Variants in PANK4 observed in about 807,000 individuals in gnomAD.
The protein encoded by PANK4 is 4'-phosphopantetheine phosphatase.
In PANK4, 40 loss-of-function variants were observed where a neutral mutation model predicts 87.9. The ratio of observed to expected loss-of-function variants is 0.46; its 90% CI spans 0.35 to 0.59. The LOEUF is 0.59. Among genes scored for constraint, PANK4 ranks in the 20% least tolerant of loss-of-function variants. The pLI, the probability that PANK4 is intolerant of heterozygous loss-of-function variation, is 0.00. For synonymous variants in PANK4, 524 were observed against 467.4 expected (o/e 1.12, Z -1.56); for missense variants, 926 against 1,072.3 (o/e 0.86, Z 1.90).
At chr1:2,518,115 G>A (rs1176479379) in intron 9 of PANK4, 49 bp downstream of exon 9, 5 of 1,184,954 alleles carry the variant, frequency 4.2e-6, no homozygotes, top group Admixed American at 3.9e-5. Flanking sequence ...GGTGAGTGCG[G>A]CATAGGCTGC....
In PANK4 at chr1:2,520,051, AG is replaced by A. The variant is rs1483366799; in HGVS notation, c.700-98del. On this transcript the variant is annotated intron_variant, in intron 5 of 18. Transcript: ENST00000378466. The surrounding 1 kb of genome is among the most constrained non-coding windows in gnomAD (Gnocchi z 6.2). ...CCCATGGCAGGAGGCACGCGCGGGC[AG>A]GGGGTAAATGGGCCCTCATCGCGTG... 1.7e-5 allele frequency: 21 copies of A among 1,237,884 alleles called. No individual in the cohort carries two copies. The African/African-American group carries it at 2.1e-4, about 12-fold the overall frequency. The allele number at this position is 1,237,884 out of a possible 1,614,324, so 76.7% of individuals were successfully genotyped here. A position where few individuals can be genotyped will look rare whatever the true frequency, so the allele number is the denominator to read the frequency against.
Position 2,520,298 on chromosome 1 carries a change from A to C in PANK4, c.699+24T>G. 1 of 1,603,714 alleles carries C rather than the reference A, an allele frequency of 6.2e-7. No individual in the cohort carries two copies. The highest frequency in any genetic ancestry group is 8.5e-7 in the Non-Finnish European group (1 of 1,171,628). On this transcript the variant is annotated intron_variant, in intron 5 of 18. Coordinates refer to ENST00000378466, the MANE Select transcript of PANK4 (RefSeq NM_018216.4). This position sits in a 1 kb window ranked among gnomAD's most constrained non-coding sequence, Gnocchi z 6.2. ...GCAGACATCTCCGCAGACCCCTGGA[A>C]GGTCTCTGGCAGCTGCCGCATACCT...
Position 2,515,877 on chromosome 1 carries a change from T to C in PANK4, c.1219-160A>G. On this transcript the variant is annotated intron_variant, in intron 9 of 18. Transcript: ENST00000378466. The surrounding 1 kb of genome is among the most constrained non-coding windows in gnomAD (Gnocchi z 5.0). ...GAGACCCCCACTGGGCCCCCTCAGC[T>C]GCCCGGCGGCCTGAGCCGGATACCT... 1 of 740,878 alleles carries C rather than the reference T, an allele frequency of 1.3e-6. No individual in the cohort carries two copies. Among genetic ancestry groups the C allele is most frequent in the Non-Finnish European group, 2.2e-6 (1 of 457,462 alleles). 45.9% of individuals were successfully genotyped at this position (740,878 alleles called of 1,614,324 possible).
rs1643863610 is a variant in PANK4, at chr1:2,520,261, CG to C, written c.699+60del. On this transcript the variant is annotated intron_variant, in intron 5 of 18. Coordinates refer to ENST00000378466, the MANE Select transcript of PANK4 (RefSeq NM_018216.4). This position sits in a 1 kb window ranked among gnomAD's most constrained non-coding sequence, Gnocchi z 6.2. ...TTTGCACCGCCCAGCTGCAGGCCTT[CG>C]GGGGAAGGAAGCAGACATCTCCGCA... 7 of 1,502,646 alleles carry C rather than the reference CG, an allele frequency of 4.7e-6. No individual in the cohort carries two copies. The East Asian group carries it at 1.6e-4, about 34-fold the overall frequency. The allele number at this position is 1,502,646 out of a possible 1,614,324, so 93.1% of individuals were successfully genotyped here. A position where few individuals can be genotyped will look rare whatever the true frequency, so the allele number is the denominator to read the frequency against.
rs574158327 is a variant in PANK4, at chr1:2,510,350, G to A, written c.1939-193C>T. ...GTGGCCCCTGGGAGGGAGCTGAGCC[G>A]AGGGGCAGAGCTGAGTTTAGAGCCT... is the stretch of plus-strand genomic sequence containing the variant. On this transcript the variant is annotated intron_variant, in intron 16 of 18. Transcript: ENST00000378466. The surrounding 1 kb of genome is among the most constrained non-coding windows in gnomAD (Gnocchi z 4.9). 3.3e-5 allele frequency: 20 copies of A among 611,546 alleles called. No individual in the cohort carries two copies. The highest frequency in any genetic ancestry group is 1.4e-4 in the East Asian group (5 of 36,416). 37.9% of individuals were successfully genotyped at this position (611,546 alleles called of 1,614,324 possible). A position where few individuals can be genotyped will look rare whatever the true frequency, so the allele number is the denominator to read the frequency against.
Position 2,510,435 on chromosome 1 carries a change from C to T in PANK4, c.1938+243G>A. 1.7e-6 allele frequency: 1 copy of T among 596,652 alleles called. No homozygotes were observed. Among genetic ancestry groups the T allele is most frequent in the East Asian group, 2.8e-5 (1 of 36,148 alleles). The allele number at this position is 596,652 out of a possible 1,614,324, so 37.0% of individuals were successfully genotyped here. A position where few individuals can be genotyped will look rare whatever the true frequency, so the allele number is the denominator to read the frequency against. On this transcript the variant is annotated intron_variant, in intron 16 of 18. Coordinates refer to ENST00000378466, the MANE Select transcript of PANK4 (RefSeq NM_018216.4). The surrounding 1 kb of genome is among the most constrained non-coding windows in gnomAD (Gnocchi z 4.9). Reference sequence around the variant, plus strand: ...CCCAAAGCCTCCTTGCTGTGAGCACCCTTCCAGGAGCCTGGCGTCAACCCT... The same window carrying T: ...CCCAAAGCCTCCTTGCTGTGAGCACTCTTCCAGGAGCCTGGCGTCAACCCT...
Position 2,520,263 on chromosome 1 carries a change from G to A in PANK4, c.699+59C>T. The A allele has an allele frequency of 1.3e-6, 2 of 1,503,606 alleles. No individual in the cohort carries two copies. The highest frequency in any genetic ancestry group is 1.1e-5 in the South Asian group (1 of 88,824). 93.1% of individuals were successfully genotyped at this position (1,503,606 alleles called of 1,614,324 possible). A position where few individuals can be genotyped will look rare whatever the true frequency, so the allele number is the denominator to read the frequency against. On this transcript the variant is annotated intron_variant, in intron 5 of 18. Coordinates refer to ENST00000378466, the MANE Select transcript of PANK4 (RefSeq NM_018216.4). This position sits in a 1 kb window ranked among gnomAD's most constrained non-coding sequence, Gnocchi z 6.2. ...TGCACCGCCCAGCTGCAGGCCTTCG[G>A]GGGAAGGAAGCAGACATCTCCGCAG...
rs752948285 is a variant in PANK4 at position 2,509,982 on chromosome 1, A to G, written c.2040-52T>C. 3.0e-5 allele frequency: 47 copies of G among 1,586,336 alleles called. No individual in the cohort carries two copies. Among genetic ancestry groups the G allele is most frequent in the Non-Finnish European group, 4.0e-5 (47 of 1,162,230 alleles). On this transcript the variant is annotated intron_variant, in intron 17 of 18. Transcript: ENST00000378466. The surrounding 1 kb of genome is among the most constrained non-coding windows in gnomAD (Gnocchi z 4.9). ...CCCAGGAGCTCCCAGTTCAGTGACAATCCCCATGGCCCACTCTGCCCAGCT... is the reference window on the plus strand; with the variant it reads ...CCCAGGAGCTCCCAGTTCAGTGACAGTCCCCATGGCCCACTCTGCCCAGCT...
In PANK4 at chr1:2,515,523, C is replaced by T. The variant is rs374605985; in HGVS notation, c.1374+39G>A. 326 of 1,604,084 alleles carry T rather than the reference C, an allele frequency of 2.0e-4. No homozygotes were observed. Among genetic ancestry groups the T allele is most frequent in the African/African-American group, 3.2e-4 (24 of 74,880 alleles). ...GAGCCTTGGAAGGTTAACCCGGCTG[C>T]GGCCTTGGAATCGTCTAGACGGCAC... On this transcript the variant is annotated intron_variant, in intron 10 of 18. Transcript: ENST00000378466. The surrounding 1 kb of genome is among the most constrained non-coding windows in gnomAD (Gnocchi z 5.0).
In PANK4 at chr1:2,514,483, GA is replaced by G. The variant is rs1643723747; in HGVS notation, c.1375-18del. On this transcript the variant is annotated intron_variant, in intron 10 of 18. Coordinates refer to ENST00000378466, the MANE Select transcript of PANK4 (RefSeq NM_018216.4). ...CTTCACTACCTGCCAGCGACAGAAG[GA>G]GGGGGTTAGTCAAGCGCTGGCCCTG... 6.3e-7 allele frequency: 1 copy of G among 1,591,064 alleles called. No individual in the cohort carries two copies. The highest frequency in any genetic ancestry group is 1.1e-5 in the South Asian group (1 of 90,668).
intron 9 of PANK4, chr1:2,516,023 C>T (rs1292765441): frequency 1.5e-5 from 7 of 481,076 alleles, no homozygotes; most frequent in Admixed American, 3.6e-5. Flanking sequence ...CCTCCCATCA[C>T]CCCTCCTCCA....
chr1:2,517,602 C>T (rs1643805074), intron 9 of PANK4, among the ~76,000 whole-genome samples: 2 of 152,218 alleles, frequency 1.3e-5, no homozygotes, highest in South Asian at 4.1e-4. Context: ...GGGGACCCTT[C>T]CGGAGCAGCT....
intron 1 of PANK4, 83 bp from the exon 2 acceptor site, chr1:2,521,883 G>A (rs781451456): frequency 9.5e-6 from 10 of 1,052,666 alleles, no homozygotes; most frequent in Admixed American, 1.7e-5. Context: ...CTCTCTGGGT[G>A]TCCTGGAGAC....
Position 2,509,988 on chromosome 1 carries a change from A to G in PANK4, c.2040-58T>C. On this transcript the variant is annotated intron_variant, in intron 17 of 18. Transcript: ENST00000378466. This position sits in a 1 kb window ranked among gnomAD's most constrained non-coding sequence, Gnocchi z 4.9. ...AGCTCCCAGTTCAGTGACAATCCCC[A>G]TGGCCCACTCTGCCCAGCTGGTGCC... is the stretch of plus-strand genomic sequence containing the variant. The G allele has an allele frequency of 1.3e-6, 2 of 1,581,326 alleles. No homozygotes were observed. The highest frequency in any genetic ancestry group is 1.7e-6 in the Non-Finnish European group (2 of 1,157,970).
intron 15 of PANK4, among the ~76,000 whole-genome samples, chr1:2,511,029 G>A (rs565182302): frequency 2.0e-5 from 3 of 152,106 alleles, no homozygotes; most frequent in African/African-American, 7.2e-5. Flanking sequence ...CACCGGGACG[G>A]GCCAGCCTGC....
At position 2,510,427 on chromosome 1, in the gene PANK4, G is replaced by A; in HGVS notation, c.1938+251C>T. 1.7e-6 allele frequency: 1 copy of A among 596,970 alleles called. No individual in the cohort carries two copies. Among genetic ancestry groups the A allele is most frequent in the Non-Finnish European group, 3.0e-6 (1 of 335,454 alleles). 37.0% of individuals were successfully genotyped at this position (596,970 alleles called of 1,614,324 possible). On this transcript the variant is annotated intron_variant, in intron 16 of 18. Coordinates refer to ENST00000378466, the MANE Select transcript of PANK4 (RefSeq NM_018216.4). The surrounding 1 kb of genome is among the most constrained non-coding windows in gnomAD (Gnocchi z 4.9). ...GTCACAGCCCCAAAGCCTCCTTGCT[G>A]TGAGCACCCTTCCAGGAGCCTGGCG...
In PANK4 at chr1:2,510,499, G is replaced by C. The variant is rs930080968; in HGVS notation, c.1938+179C>G. 1.6e-6 allele frequency: 1 copy of C among 616,552 alleles called. No homozygotes were observed. The highest frequency in any genetic ancestry group is 1.8e-5 in the African/African-American group (1 of 54,120). The allele number at this position is 616,552 out of a possible 1,614,324, so 38.2% of individuals were successfully genotyped here. ...TGGACCCTCAGCCTGAGCCCAGGGG[G>C]CTCGGAGCCTCCACCCCAGCAGATG... On this transcript the variant is annotated intron_variant, in intron 16 of 18. Coordinates refer to ENST00000378466, the MANE Select transcript of PANK4 (RefSeq NM_018216.4). This position sits in a 1 kb window ranked among gnomAD's most constrained non-coding sequence, Gnocchi z 4.9.
At chr1:2,518,438 G>C in intron 8 of PANK4, 78 bp downstream of exon 8, 1 of 1,307,194 alleles carries the variant, frequency 7.6e-7, no homozygotes, top group South Asian at 1.3e-5. Context: ...TCCACCCTGG[G>C]CCGCCCTGGC....
rs979910839 is a variant in PANK4 at position 2,509,197 on chromosome 1, C to T, written c.2109-137G>A. The T allele has an allele frequency of 8.3e-5, 55 of 663,390 alleles. No homozygotes were observed. Among genetic ancestry groups the T allele is most frequent in the African/African-American group, 5.6e-4 (31 of 55,234 alleles). The allele number at this position is 663,390 out of a possible 1,614,324, so 41.1% of individuals were successfully genotyped here. ...TGTGGAGGCCTCCAAACCCAGCCTC[C>T]GCCTGGTAGCTGCCTCAGCCTGGGG... is the stretch of plus-strand genomic sequence containing the variant. On this transcript the variant is annotated intron_variant, in intron 18 of 18. Coordinates refer to ENST00000378466, the MANE Select transcript of PANK4 (RefSeq NM_018216.4). This position sits in a 1 kb window ranked among gnomAD's most constrained non-coding sequence, Gnocchi z 4.9.
Sources: allele counts gnomAD v4.1 joint callset (sites outside exome capture counted in the v4.1 genomes callset), GRCh38; gene constraint gnomAD v4.1.1; non-coding constraint Gnocchi (gnomAD v3.1); transcripts MANE v1.5; gene names NCBI Gene and HGNC (gene_info 2026-07-23, HGNC 2026-07-21).